Variants in MBTPS1 observed in about 807,000 individuals in gnomAD.
The protein encoded by MBTPS1 is membrane bound transcription factor peptidase, site 1, also known as membrane-bound transcription factor site-1 protease.
A neutral mutation model predicts 127.8 loss-of-function variants in MBTPS1; 94 were observed. The observed-to-expected ratio is 0.74, with a 90% CI of 0.62 to 0.87. The LOEUF (loss-of-function observed/expected upper bound fraction) is 0.87. MBTPS1 is among the 40% of genes least tolerant of loss of function. The pLI, the probability that MBTPS1 is intolerant of heterozygous loss-of-function variation, is 0.00. For synonymous variants in MBTPS1, 632 were observed against 509.4 expected (o/e 1.24, Z -3.24); for missense variants, 1,636 against 1,353.2 (o/e 1.21, Z -3.28).
chr16:84,063,230 G>C (rs940491978), intron 19 of MBTPS1, 75 bp downstream of exon 19: 3 of 1,502,204 alleles, frequency 2.0e-6, no homozygotes, highest in Admixed American at 1.8e-5. Context: ...AGCATCTCAC[G>C]GGCGCCTTTC....
chr16:84,067,407 C>T (rs1239329846), intron 16 of MBTPS1, among the ~76,000 whole-genome samples: 1 of 152,178 alleles, frequency 6.6e-6, no homozygotes, highest in African/African-American at 2.4e-5. Context: ...GGCTGGAGTA[C>T]AGTGGCTTGA....
rs564709446 is a variant in MBTPS1 at position 84,074,802 on chromosome 16, A to G, written c.1449-61T>C. The G allele has an allele frequency of 1.1e-4, 162 of 1,475,626 alleles. No homozygotes were observed. The African/African-American group carries it at 2.1e-3, about 19-fold the overall frequency. The allele number at this position is 1,475,626 out of a possible 1,614,324, so 91.4% of individuals were successfully genotyped here. A position where few individuals can be genotyped will look rare whatever the true frequency, so the allele number is the denominator to read the frequency against. ...TGAGAAAACTACAATGAAGCAACAC[A>G]ACTGTACAAGACAGAGTTAACAAAG... On this transcript the variant is annotated intron_variant, in intron 11 of 22. Transcript: ENST00000343411.
rs62640900 is a variant in MBTPS1 at position 84,099,057 on chromosome 16, A to G, written c.417T>C (p.Ala139=). Residue 139 remains alanine (A), a synonymous_variant, in exon 3 of 23, where the codon GCT becomes GCC. Transcript: ENST00000343411. The part of the protein sequence containing the change: ...QRKVFRSLKY[A]ESDPTVPCNE... ...GCCTACAGTCACAATACTCACATTC[A>G]GCATACTTGAGGGAACGAAAGACTT... The G allele has an allele frequency of 6.2e-6, 10 of 1,613,800 alleles. No individual in the cohort carries two copies. In the African/African-American group the frequency reaches 1.3e-4, roughly 22 times the overall value.
rs2086171592 is a variant in MBTPS1 at position 84,095,807 on chromosome 16, T to C, written c.422-2A>G. On this transcript the variant is annotated splice_acceptor_variant, in intron 3 of 22. Transcript: ENST00000343411. LOFTEE classifies it high-confidence loss of function. ...CATTGCAGGGTACTGTGGGGTCAGC[T>C]ACAGGCAAGGGAGAGAAAGATCAGA... The C allele has an allele frequency of 6.2e-7, 1 of 1,612,770 alleles. No individual in the cohort carries two copies. The highest frequency in any genetic ancestry group is 8.5e-7 in the Non-Finnish European group (1 of 1,179,444).
At chr16:84,065,912 C>CCT (rs2085676353) in intron 17 of MBTPS1, 145 bp from the exon 18 acceptor site, 1 of 521,170 alleles carries the variant, frequency 1.9e-6, no homozygotes, top group East Asian at 3.3e-5. Context: ...GCTGCTATTG[C>CCT]CTTGTCACAC....
At chr16:84,070,171 G>A in intron 13 of MBTPS1, 133 bp from the exon 14 acceptor site, 2 of 748,676 alleles carry the variant, frequency 2.7e-6, no homozygotes. Flanking sequence ...ACAAATGTCT[G>A]ATGAAAGATT....
chr16:84,071,339 A>G (rs527699912), intron 12 of MBTPS1, among the ~76,000 whole-genome samples: 121 of 152,376 alleles, frequency 7.9e-4, no homozygotes, highest in African/African-American at 2.8e-3. Flanking sequence ...AAGAGACGTC[A>G]ATGAGAGCTT....
At chr16:84,088,530 C>G (rs972212984) in intron 8 of MBTPS1, among the ~76,000 whole-genome samples, 3 of 152,112 alleles carry the variant, frequency 2.0e-5, no homozygotes, top group African/African-American at 7.2e-5. Context: ...TACCACCTTC[C>G]CACCCTCCTC....
intron 11 of MBTPS1, chr16:84,075,786 A>G (rs1004670147): frequency 2.0e-5 from 3 of 152,268 alleles, no homozygotes; most frequent in African/African-American, 7.2e-5. Flanking sequence ...AGTTATAATC[A>G]ACACATATCA....
chr16:84,089,730 T>G (rs1167935649), intron 8 of MBTPS1, among the ~76,000 whole-genome samples: 1 of 152,168 alleles, frequency 6.6e-6, no homozygotes, highest in Non-Finnish European at 1.5e-5. Flanking sequence ...CTTCCACACC[T>G]AGTTTCACCC....
chr16:84,066,308 A>T (rs1406766189), intron 17 of MBTPS1, among the ~76,000 whole-genome samples, 181 bp downstream of exon 17: 1 of 132,470 alleles, frequency 7.5e-6, no homozygotes, highest in East Asian at 3.2e-4. Flanking sequence ...TTTTCATTTA[A>T]AAAAAATCTG....
chr16:84,087,473 C>CAAAAAAAAAAAAAAAAAAAA lies in MBTPS1; in HGVS notation c.1032-14_1032-13insTTTTTTTTTTTTTTTTTTTT. 2 of 1,036,172 alleles carry CAAAAAAAAAAAAAAAAAAAA rather than the reference C, an allele frequency of 1.9e-6. No individual in the cohort carries two copies. The highest frequency in any genetic ancestry group is 1.5e-5 in the South Asian group (1 of 66,080). 64.2% of individuals were successfully genotyped at this position (1,036,172 alleles called of 1,614,324 possible). On this transcript the variant is annotated splice_polypyrimidine_tract_variant and intron_variant, in intron 8 of 22. Transcript: ENST00000343411. ...GTTATTCAGAGTGCTATATTGAGAC[C>CAAAAAAAAAAAAAAAAAAAA]AAAAAAAAAAAAAAAGAAAAGAAAA...
intron 18 of MBTPS1, 50 bp downstream of exon 18, chr16:84,065,640 A>G: frequency 8.4e-7 from 1 of 1,184,332 alleles, no homozygotes; most frequent in Non-Finnish European, 1.3e-6. Context: ...GCGGGGGAAA[A>G]GGGAGCGAGA....
In MBTPS1 at chr16:84,069,966, G is replaced by A. The variant is rs1277146482; in HGVS notation, c.1855C>T (p.Arg619Ter). The A allele has an allele frequency of 7.4e-6, 12 of 1,613,914 alleles. No individual in the cohort carries two copies. Among genetic ancestry groups the A allele is most frequent in the African/African-American group, 1.3e-5 (1 of 74,902 alleles). Residue 619 changes from arginine (R) to a stop codon, truncating the protein, a stop_gained, in exon 14 of 23, where the codon CGA becomes TGA. Transcript: ENST00000343411. LOFTEE classifies it high-confidence loss of function. ...TGATCCCAGAGAACTCTCTTGCTTCGCGGGGGAGTAGGAATTATCTTCACC... is the reference window on the plus strand; with the variant it reads ...TGATCCCAGAGAACTCTCTTGCTTCACGGGGGAGTAGGAATTATCTTCACC... ...IKVKIIPTPP[R>*]SKRVLWDQYH...
At chr16:84,077,053 C>G (rs923792902) in intron 11 of MBTPS1, among the ~76,000 whole-genome samples, 2 of 152,024 alleles carry the variant, frequency 1.3e-5, no homozygotes, top group Non-Finnish European at 2.9e-5. Context: ...TGGCAAAACC[C>G]TGTCTCTACT....
intron 11 of MBTPS1, chr16:84,081,535 TTTATA>T (rs2085939815): frequency 8.1e-6 from 3 of 370,146 alleles, no homozygotes; most frequent in Non-Finnish European, 1.4e-5. Context: ...CTTTTAACCA[TTTATA>T]TTAAAGATCA....
rs112204016 is a variant in MBTPS1, at chr16:84,055,947, C to G, written c.2962+58G>C. 3.2e-6 allele frequency: 5 copies of G among 1,568,140 alleles called. No individual in the cohort carries two copies. In the African/African-American group the frequency reaches 4.1e-5, roughly 13 times the overall value. On this transcript the variant is annotated intron_variant, in intron 22 of 22. Transcript: ENST00000343411. Reference sequence around the variant, plus strand: ...CCCGCCTCCTGGGGAGGGAGGGAGACTCCTTTGAACAAAATACAGGATGAC... The same window carrying G: ...CCCGCCTCCTGGGGAGGGAGGGAGAGTCCTTTGAACAAAATACAGGATGAC...
intron 8 of MBTPS1, among the ~76,000 whole-genome samples, chr16:84,089,523 G>C (rs916167732): frequency 9.2e-5 from 14 of 152,200 alleles, no homozygotes; most frequent in Non-Finnish European, 2.1e-4. Flanking sequence ...TTGAACAGTA[G>C]AAATACGCAC....
intron 11 of MBTPS1, among the ~76,000 whole-genome samples, chr16:84,081,140 A>G (rs151047678): frequency 6.6e-6 from 1 of 152,308 alleles, no homozygotes; most frequent in African/African-American, 2.4e-5. Context: ...TGACGCTCAT[A>G]CTGAGGTTAT....
Sources: allele counts gnomAD v4.1 joint callset (sites outside exome capture counted in the v4.1 genomes callset), GRCh38; gene constraint gnomAD v4.1.1; transcripts MANE v1.5; gene names NCBI Gene and HGNC (gene_info 2026-07-23, HGNC 2026-07-21).